The following TANK variants were observed in gnomAD, a reference collection of about 807,000 sequenced individuals.
TANK encodes TRAF family member associated NFKB activator, also known as TRAF family member-associated NF-kappa-B activator.
Under a neutral mutation model 43.6 loss-of-function variants are expected in TANK, and 15 were observed. The observed-to-expected ratio is 0.34, with a 90% confidence interval of 0.23 to 0.53. The LOEUF (loss-of-function observed/expected upper bound fraction) is 0.53. Ranked by LOEUF, TANK falls within the 20% of genes least tolerant of loss-of-function variation. The pLI, the probability that TANK is intolerant of heterozygous loss-of-function variation, is 0.94. For synonymous variants in TANK, 162 were observed against 178.2 expected, an observed-to-expected ratio of 0.91 and a Z score of 0.73; for missense variants, 417 against 498.6, an observed-to-expected ratio of 0.84 and a Z score of 1.56.
chr2:161,214,806 A>T (rs1163480659), intron 4 of TANK, among the ~76,000 whole-genome samples: 1 of 152,138 alleles, frequency 6.6e-6, no homozygotes, highest in Non-Finnish European at 1.5e-5. Flanking sequence ...GAGAAAAAGG[A>T]CTTTATTATT....
intron 6 of TANK, among the ~76,000 whole-genome samples, chr2:161,227,928 C>T (rs1687713826): frequency 6.6e-6 from 1 of 152,148 alleles, no homozygotes; most frequent in Admixed American, 6.6e-5. Context: ...AACAATTAAG[C>T]TTGGTGACAA....
chr2:161,210,696 TAAA>T (rs779556160), intron 4 of TANK, among the ~76,000 whole-genome samples: 6 of 91,036 alleles, frequency 6.6e-5, no homozygotes, highest in Non-Finnish European at 6.9e-5. Context: ...AAACTCCGTC[TAAA>T]AAAAAAAAAA....
chr2:161,233,035 A>G, intron 7 of TANK: 1 of 605,280 alleles, frequency 1.7e-6, no homozygotes, highest in South Asian at 2.4e-5. Context: ...TATTAGTATT[A>G]ATAAAGCTAG....
chr2:161,161,501 C>T, intron 1 of TANK: 2 of 1,512,914 alleles, frequency 1.3e-6, no homozygotes, highest in Non-Finnish European at 8.9e-7. Context: ...CAACTATGTG[C>T]AAAGCAGGAA....
intron 4 of TANK, chr2:161,212,870 G>A (rs921497717): frequency 2.3e-5 from 17 of 726,108 alleles, no homozygotes; most frequent in Non-Finnish European, 1.0e-5. Flanking sequence ...TGAGGCTGGG[G>A]ATTTATAAAG....
At chr2:161,161,918 A>G (rs533089067) in intron 1 of TANK, 1 of 152,492 alleles carries the variant, frequency 6.6e-6, no homozygotes, top group South Asian at 2.1e-4. Flanking sequence ...GTAAGAAGGT[A>G]GTCCCCACTC....
At chr2:161,190,552 C>T (rs914146490) in intron 2 of TANK, among the ~76,000 whole-genome samples, 1 of 152,050 alleles carries the variant, frequency 6.6e-6, no homozygotes, top group Non-Finnish European at 1.5e-5. Context: ...TGGAAACAAC[C>T]CAAGTGTTCA....
At chr2:161,202,402 G>A (rs1246314415) in intron 2 of TANK, among the ~76,000 whole-genome samples, 1 of 151,658 alleles carries the variant, frequency 6.6e-6, no homozygotes, top group Admixed American at 6.6e-5. Context: ...TGTTAACCAG[G>A]ATGGTCTCAA....
At chr2:161,215,246 T>C (rs776140508) in intron 4 of TANK, among the ~76,000 whole-genome samples, 4 of 152,186 alleles carry the variant, frequency 2.6e-5, no homozygotes, top group Admixed American at 6.5e-5. Context: ...AAAAATCATA[T>C]TGCCTTTTTC....
chr2:161,217,734 C>A (rs1687182451), intron 4 of TANK, among the ~76,000 whole-genome samples: 1 of 151,712 alleles, frequency 6.6e-6, no homozygotes, highest in African/African-American at 2.4e-5. Context: ...TGGTTTTTTT[C>A]TGGCTGAGTA....
At position 161,235,377 on chromosome 2, in the gene TANK, C is replaced by G. The variant is rs1688129616; in HGVS notation, c.1137C>G (p.Asp379Glu). 2 of 1,610,866 alleles carry G rather than the reference C, an allele frequency of 1.2e-6. No homozygotes were observed. Among genetic ancestry groups the G allele is most frequent in the Non-Finnish European group, 1.7e-6 (2 of 1,178,682 alleles). Residue 379 changes from aspartate (D) to glutamate (E), a missense_variant, in exon 8 of 8, where the codon GAC becomes GAG. Asp to Glu is a conservative substitution (Grantham distance 45). Coordinates refer to ENST00000392749, the MANE Select transcript of TANK (RefSeq NM_001199135.3). ...AGCCCTTTCCTAATCAAGACAGTGACTCGGTGGTACTAAGTGGCACAGACT... is the reference window on the plus strand; with the variant it reads ...AGCCCTTTCCTAATCAAGACAGTGAGTCGGTGGTACTAAGTGGCACAGACT... ...IWKPFPNQDS[D>E]SVVLSGTDSE... is the part of the protein sequence containing the mutation.
intron 1 of TANK, among the ~76,000 whole-genome samples, chr2:161,144,052 G>A (rs999101795): frequency 1.2e-4 from 18 of 152,126 alleles, no homozygotes; most frequent in African/African-American, 3.6e-4. Context: ...GGGTGTATGT[G>A]TCCAGGAATT....
chr2:161,182,351 C>T (rs1685467350), intron 2 of TANK, among the ~76,000 whole-genome samples: 1 of 152,120 alleles, frequency 6.6e-6, no homozygotes, highest in Non-Finnish European at 1.5e-5. Flanking sequence ...CCCCAAGTTG[C>T]AAGTCCCAGC....
At chr2:161,165,031 C>A (rs1218831920) in intron 1 of TANK, among the ~76,000 whole-genome samples, 2 of 136,554 alleles carry the variant, frequency 1.5e-5, no homozygotes, top group Admixed American at 8.1e-5. Context: ...TTTTACTTAA[C>A]ACCAATACTT....
At chr2:161,159,860 A>G (rs191343245), upstream of TANK, among the ~76,000 whole-genome samples, 489 of 152,334 alleles carry the variant, frequency 3.2e-3, 3 homozygotes, top group Non-Finnish European at 5.3e-3. Flanking sequence ...TCTTTAACAA[A>G]TACATTTAGT....
At chr2:161,154,212 C>G (rs1431987183) in intron 1 of TANK, among the ~76,000 whole-genome samples, 1 of 152,132 alleles carries the variant, frequency 6.6e-6, no homozygotes, top group Non-Finnish European at 1.5e-5. Context: ...TCAGATCATT[C>G]AGTAGAGGAC....
At chr2:161,168,691 G>C (rs775262075) in intron 1 of TANK, among the ~76,000 whole-genome samples, 28 of 152,226 alleles carry the variant, frequency 1.8e-4, no homozygotes, top group Middle Eastern at 3.4e-3. Flanking sequence ...AAATTAGCTG[G>C]GTGTGGTGGC....
chr2:161,190,592 G>A (rs1384952163), intron 2 of TANK, among the ~76,000 whole-genome samples: 1 of 152,112 alleles, frequency 6.6e-6, no homozygotes, highest in Non-Finnish European at 1.5e-5. Flanking sequence ...CTGTAAGGTG[G>A]TATATACACA....
intron 4 of TANK, among the ~76,000 whole-genome samples, chr2:161,221,552 G>A (rs1251845160): frequency 6.6e-6 from 1 of 151,986 alleles, no homozygotes; most frequent in Non-Finnish European, 1.5e-5. Context: ...AAAAATTAAT[G>A]ATTGTTTTCA....
Sources: allele counts gnomAD v4.1 joint callset (sites outside exome capture counted in the v4.1 genomes callset), GRCh38; gene constraint gnomAD v4.1.1; transcripts MANE v1.5; gene names NCBI Gene and HGNC (gene_info 2026-07-23, HGNC 2026-07-21).